POLQ: variants seen among roughly 807,000 people sequenced by gnomAD.
POLQ encodes the protein DNA polymerase theta.
Under a neutral mutation model 259.2 loss-of-function variants are expected in POLQ, and 233 were observed. That is an observed-to-expected ratio of 0.90 (90% CI 0.81 to 1.00). POLQ has a LOEUF of 1.00. Ranked by LOEUF, POLQ falls within the 50% of genes least tolerant of loss-of-function variation. The probability of loss-of-function intolerance (pLI) is 0.00; values close to 1 mark genes in which losing one functional copy is unlikely to be tolerated. For missense variants in POLQ, 2,871 were observed against 3,051.6 expected, an observed-to-expected ratio of 0.94 and a Z score of 1.39; for synonymous variants, 1,025 against 1,048.8, an observed-to-expected ratio of 0.98 and a Z score of 0.44.
chr3:121,502,240 T>TCTC (rs1367185233), intron 12 of POLQ, among the ~76,000 whole-genome samples: 6 of 152,150 alleles, frequency 3.9e-5, no homozygotes. Flanking sequence ...TGAGACAGGG[T>TCTC]CTCACTCAGT....
chr3:121,468,684 GAAGT>G (rs1357381040), intron 22 of POLQ, among the ~76,000 whole-genome samples: 1 of 152,156 alleles, frequency 6.6e-6, no homozygotes, highest in African/African-American at 2.4e-5. Context: ...CGCACAATGA[GAAGT>G]AATTTGATAA....
Position 121,539,601 on chromosome 3 carries a change from A to C in POLQ, c.475-12T>G. 6.2e-7 allele frequency: 1 copy of C among 1,607,590 alleles called. No individual in the cohort carries two copies. The highest frequency in any genetic ancestry group is 8.5e-7 in the Non-Finnish European group (1 of 1,174,964). ...TCCTGAAACAGACTCTGAATTGAGTAAAAAGGAACAATACAGGTGAAAAAA... is the reference window on the plus strand; with the variant it reads ...TCCTGAAACAGACTCTGAATTGAGTCAAAAGGAACAATACAGGTGAAAAAA... On this transcript the variant is annotated splice_polypyrimidine_tract_variant and intron_variant, in intron 3 of 29. Transcript: ENST00000264233.
Position 121,522,127 on chromosome 3 carries a change from G to A in POLQ, c.1131C>T (p.Cys377=). 2 of 1,602,776 alleles carry A rather than the reference G, an allele frequency of 1.2e-6. No homozygotes were observed. Among genetic ancestry groups the A allele is most frequent in the Non-Finnish European group, 1.7e-6 (2 of 1,176,974 alleles). Residue 377 remains cysteine, a synonymous_variant, in exon 8 of 30, where the codon TGC becomes TGT. Coordinates refer to ENST00000264233, the MANE Select transcript of POLQ (RefSeq NM_199420.4). ...QAEGLVKPSE[C]PPVILEQKEL... ...CTTTTTGTTCCAGAATTACTGGTGG[G>A]CATTCAGAGGGTTTCACCAATCCTG...
intron 12 of POLQ, among the ~76,000 whole-genome samples, chr3:121,508,784 A>T (rs1381406805): frequency 6.6e-6 from 1 of 152,196 alleles, no homozygotes; most frequent in Non-Finnish European, 1.5e-5. Context: ...TTCTAATGAG[A>T]ATTTCAATTT....
Position 121,460,246 on chromosome 3 carries a change from G to A in POLQ, c.6968-12C>T, listed in dbSNP as rs772616659. 114 of 1,598,508 alleles carry A rather than the reference G, an allele frequency of 7.1e-5. No homozygotes were observed. Among genetic ancestry groups the A allele is most frequent in the Non-Finnish European group, 9.3e-5 (109 of 1,166,362 alleles). ...CAGTATTGAACCACCTGAAGTAGAAGTGATTTCAGAAAAGCTAGTACAAAG... is the reference window on the plus strand; with the variant it reads ...CAGTATTGAACCACCTGAAGTAGAAATGATTTCAGAAAAGCTAGTACAAAG... On this transcript the variant is annotated splice_polypyrimidine_tract_variant and intron_variant, in intron 24 of 29. Coordinates refer to ENST00000264233, the MANE Select transcript of POLQ (RefSeq NM_199420.4).
chr3:121,476,638 T>G lies in POLQ; in HGVS notation c.6307A>C (p.Lys2103Gln). 1.2e-6 allele frequency: 2 copies of G among 1,613,934 alleles called. No homozygotes were observed. Among genetic ancestry groups the G allele is most frequent in the South Asian group, 1.1e-5 (1 of 91,076 alleles). ...TCCAGCTTGGCTTGCATTATATGTT[T>G]CTGACTTTCACATTCTGCAGTACTA... ...GFSTAECESQ[K>Q]HIMQAKLDAI... Residue 2103 changes from lysine (K) to glutamine (Q), a missense_variant, in exon 20 of 30, where the codon AAA becomes CAA. Coordinates refer to ENST00000264233, the MANE Select transcript of POLQ (RefSeq NM_199420.4).
At chr3:121,526,890 T>C (rs369131680) in intron 7 of POLQ, among the ~76,000 whole-genome samples, 26 of 151,346 alleles carry the variant, frequency 1.7e-4, no homozygotes, top group Non-Finnish European at 2.7e-4. Flanking sequence ...TGTGTGTGTG[T>C]GCGCGCGCGC....
intron 5 of POLQ, among the ~76,000 whole-genome samples, chr3:121,533,890 C>A (rs2108818640): frequency 6.6e-6 from 1 of 150,644 alleles, no homozygotes; most frequent in South Asian, 2.1e-4. Flanking sequence ...TGTGTATGAA[C>A]CATGTGGATA....
In POLQ at chr3:121,473,324, T is replaced by A. The variant is rs1326062880; in HGVS notation, c.6543+26A>T. 3.1e-6 allele frequency: 5 copies of A among 1,595,500 alleles called. No homozygotes were observed. In the South Asian group the frequency reaches 5.7e-5, roughly 18 times the overall value. On this transcript the variant is annotated intron_variant, in intron 21 of 29. Coordinates refer to ENST00000264233, the MANE Select transcript of POLQ (RefSeq NM_199420.4). The stretch of plus-strand genomic sequence containing the variant: ...GTTAAAAGTAGTTTAGGTTCTGCCC[T>A]GCTCTGTGACTGCCCCAAAGAGCAC...
intron 7 of POLQ, among the ~76,000 whole-genome samples, chr3:121,525,096 CT>C (rs2108814652): frequency 6.6e-6 from 1 of 152,284 alleles, no homozygotes; most frequent in African/African-American, 2.4e-5. Flanking sequence ...AATCCCAGCA[CT>C]TTGGGAGTCC....
At chr3:121,518,005 A>G (rs1373338947) in intron 9 of POLQ, among the ~76,000 whole-genome samples, 2 of 152,232 alleles carry the variant, frequency 1.3e-5, no homozygotes, top group Non-Finnish European at 2.9e-5. Flanking sequence ...TGTGGTAGTC[A>G]TGTTCTATAA....
At chr3:121,460,382 T>TTAATATGATGGAATTCAGCTCTG (rs2047782396) in intron 24 of POLQ, 148 bp from the exon 25 acceptor site, 10 of 615,286 alleles carry the variant, frequency 1.6e-5, no homozygotes, top group Middle Eastern at 4.3e-4. Flanking sequence ...AACCTTCCTC[T>TTAATATGATGGAATTCAGCTCTG]TAATATGATG....
rs2047500212 is a variant in POLQ, at chr3:121,432,284, G to A, written c.*20C>T. The A allele has an allele frequency of 1.3e-6, 2 of 1,580,372 alleles. No homozygotes were observed. Among genetic ancestry groups the A allele is most frequent in the Admixed American group, 1.9e-5 (1 of 51,970 alleles). Reference sequence around the variant, plus strand: ...TGCATCTGCACAGGCTTCCCTGGGAGGACTTCATCAACAGCACAGTTACAC... The same window carrying A: ...TGCATCTGCACAGGCTTCCCTGGGAAGACTTCATCAACAGCACAGTTACAC... On this transcript the variant is annotated 3_prime_UTR_variant, in exon 30 of 30. Transcript: ENST00000264233.
chr3:121,538,537 AAATT>A (rs1305392665), intron 4 of POLQ, among the ~76,000 whole-genome samples: 1 of 151,784 alleles, frequency 6.6e-6, no homozygotes, highest in African/African-American at 2.4e-5. Flanking sequence ...GCTGTCTCCA[AAATT>A]GTACTGTCTG....
chr3:121,448,645 G>A (rs537108542), intron 26 of POLQ, among the ~76,000 whole-genome samples: 6 of 152,168 alleles, frequency 3.9e-5, no homozygotes, highest in Admixed American at 3.3e-4. Flanking sequence ...GATTACAGAC[G>A]TGAGCCACCA....
In POLQ at chr3:121,490,281, T is replaced by C; in HGVS notation, c.2650A>G (p.Arg884Gly). Residue 884 changes from arginine to glycine, a missense_variant, in exon 16 of 30, where the codon AGA becomes GGA. Around this residue, in one of 3 missense-constraint regions of POLQ, gnomAD observed 2,080 missense variants for 2,126.0 expected, o/e 0.98. Coordinates refer to ENST00000264233, the MANE Select transcript of POLQ (RefSeq NM_199420.4). ...ACTAAGTCCTGCTGCAGAATCATTC[T>C]GGCTTCTTCCACTATAAGGGCTGCT... ...EAAALIVEEA[R>G]MILQQDLVEM... 6.2e-7 allele frequency: 1 copy of C among 1,614,262 alleles called. No homozygotes were observed. The highest frequency in any genetic ancestry group is 1.6e-4 in the Middle Eastern group (1 of 6,062).
At position 121,436,209 on chromosome 3, in the gene POLQ, CTG is replaced by C; in HGVS notation, c.7454_7455del (p.Thr2485SerfsTer2). ...GSAADIVKIA[T>X]VNIQKQLETF... ...GTCTCTAATTGCTTCTGAATGTTAACTGTGGCTATTTTGACAATATCAGCTGC... is the reference window on the plus strand; with the variant it reads ...GTCTCTAATTGCTTCTGAATGTTAACTGGCTATTTTGACAATATCAGCTGC... On this transcript the variant is annotated frameshift_variant, in exon 28 of 30. Transcript: ENST00000264233. LOFTEE classifies it high-confidence loss of function. 6.2e-7 allele frequency: 1 copy of C among 1,613,704 alleles called. No homozygotes were observed. Among genetic ancestry groups the C allele is most frequent in the Non-Finnish European group, 8.5e-7 (1 of 1,179,608 alleles).
chr3:121,501,993 A>T (rs1328353613), intron 12 of POLQ, among the ~76,000 whole-genome samples: 3 of 150,376 alleles, frequency 2.0e-5, no homozygotes, highest in Non-Finnish European at 3.0e-5. Flanking sequence ...CTGTCTCCAA[A>T]AAAAAAAAAA....
chr3:121,449,374 A>T lies in POLQ; in HGVS notation c.7205T>A (p.Met2402Lys), dbSNP rs1320967446. 6.2e-7 allele frequency: 1 copy of T among 1,608,420 alleles called. No homozygotes were observed. The highest frequency in any genetic ancestry group is 1.3e-5 in the African/African-American group (1 of 74,818). The change falls in exon 26 of 30, where the codon ATG becomes AAG. Residue 2402 changes from methionine (M) to lysine (K), a missense_variant. Around this residue, in one of 3 missense-constraint regions of POLQ, gnomAD observed 2,080 missense variants for 2,126.0 expected, o/e 0.98. Coordinates refer to ENST00000264233, the MANE Select transcript of POLQ (RefSeq NM_199420.4). Reference sequence around the variant, plus strand: ...TGCAGCATCATTTTCTTTAATGCCCATCTGCTCTCCCAAAGATTTAGCTCC... The same window carrying T: ...TGCAGCATCATTTTCTTTAATGCCCTTCTGCTCTCCCAAAGATTTAGCTCC... ...GMGAKSLGEQ[M>K]GIKENDAACY...
Sources: allele counts gnomAD v4.1 joint callset (sites outside exome capture counted in the v4.1 genomes callset), GRCh38; gene constraint gnomAD v4.1.1; regional missense constraint gnomAD v4.1.1; transcripts MANE v1.5; gene names NCBI Gene and HGNC (gene_info 2026-07-23, HGNC 2026-07-21).